Variants in BAZ1A observed in about 807,000 individuals in gnomAD.
The protein encoded by BAZ1A is bromodomain adjacent to zinc finger domain 1A, also known as bromodomain adjacent to zinc finger domain protein 1A.
BAZ1A carries 50 observed loss-of-function variants against 185.2 expected under a neutral mutation model. The ratio of observed to expected loss-of-function variants is 0.27; its 90% CI spans 0.22 to 0.34. The LOEUF (loss-of-function observed/expected upper bound fraction) is 0.34. Among genes scored for constraint, BAZ1A ranks in the 10% least tolerant of loss-of-function variants. BAZ1A has a pLI of 1.00. For missense variants in BAZ1A, 1,356 were observed against 1,839.9 expected, an observed-to-expected ratio of 0.74 and a Z score of 4.81; for synonymous variants, 571 against 615.6, an observed-to-expected ratio of 0.93 and a Z score of 1.07.
chr14:34,765,697 T>G (rs550131192), intron 21 of BAZ1A, among the ~76,000 whole-genome samples: 1 of 152,152 alleles, frequency 6.6e-6, no homozygotes, highest in Non-Finnish European at 1.5e-5. Context: ...TCTAAGAAAA[T>G]AGTTTTAAAA....
intron 3 of BAZ1A, among the ~76,000 whole-genome samples, chr14:34,832,191 T>TATACACACACAC (rs1555343240): frequency 6.2e-4 from 60 of 96,522 alleles, no homozygotes; most frequent in Middle Eastern, 5.7e-3. Context: ...TATATACATA[T>TATACACACACAC]ACACACACAC....
rs868022652 is a variant in BAZ1A, at chr14:34,773,138, G to A, written c.3152+434C>T. Among the ~76,000 whole-genome samples the A allele has an allele frequency of 3.3e-5, 5 of 152,036 alleles. No individual in the cohort carries two copies. In the South Asian group the frequency reaches 6.2e-4, roughly 19 times the overall value. Reference sequence around the variant, plus strand: ...TTGCCCAGGCTGGTCTCCAACTCCCGGCCTCAAGTGATCCTCCTGCTTCCG... The same window carrying A: ...TTGCCCAGGCTGGTCTCCAACTCCCAGCCTCAAGTGATCCTCCTGCTTCCG... On this transcript the variant is annotated intron_variant, in intron 20 of 26. Transcript: ENST00000360310.
At chr14:34,769,798 A>C (rs752079170) in intron 21 of BAZ1A, among the ~76,000 whole-genome samples, 10 of 152,226 alleles carry the variant, frequency 6.6e-5, no homozygotes, top group Non-Finnish European at 1.2e-4. Flanking sequence ...TTGTGTATTA[A>C]TATGTGGTTG....
In BAZ1A at chr14:34,765,030, T is replaced by C; in HGVS notation, c.3540A>G (p.Pro1180=). The C allele has an allele frequency of 6.2e-7, 1 of 1,614,058 alleles. No individual in the cohort carries two copies. The highest frequency in any genetic ancestry group is 1.1e-5 in the South Asian group (1 of 91,046). The change falls in exon 22 of 27, where the codon CCA becomes CCG. Residue 1180 remains proline (P), a synonymous_variant. Transcript: ENST00000360310. ...AAGAAGAAAAAAATACCTTGAGCTTTGGTCGAACACAGTAGGTATGATGAC... is the reference window on the plus strand; with the variant it reads ...AAGAAGAAAAAAATACCTTGAGCTTCGGTCGAACACAGTAGGTATGATGAC... ...DRGHHTYCVR[P]KLKTVPEGDW... is the part of the protein sequence containing the mutation.
chr14:34,810,142 G>A (rs2041909773), intron 5 of BAZ1A, among the ~76,000 whole-genome samples: 2 of 151,884 alleles, frequency 1.3e-5, no homozygotes, highest in Admixed American at 6.6e-5. Context: ...GGAACAAAAG[G>A]GATGAGAACA....
intron 16 of BAZ1A, 74 bp from the exon 17 acceptor site, chr14:34,780,384 T>C: frequency 1.4e-6 from 2 of 1,467,998 alleles, no homozygotes; most frequent in Non-Finnish European, 1.8e-6. Flanking sequence ...ATTGCTTGCT[T>C]ATGAAGTACC....
At chr14:34,758,186 G>A (rs1377992972) in intron 25 of BAZ1A, among the ~76,000 whole-genome samples, 10 of 151,308 alleles carry the variant, frequency 6.6e-5, no homozygotes, top group African/African-American at 2.4e-4. Flanking sequence ...AAGTGGCTAA[G>A]TTGGAGGATC....
In BAZ1A at chr14:34,780,202, A is replaced by G. The variant is rs1879944401; in HGVS notation, c.2220T>C (p.His740=). ...CAGTATTACCCCTTCTGCCTCTTTT[A>G]TGTGATCCTGGGTCATCTTCATCTT... ...VTEDEDDPGS[H]KRGRRGKRGQ... Residue 740 remains histidine (H), a synonymous_variant, in exon 17 of 27, where the codon CAT becomes CAC. Transcript: ENST00000360310. The G allele has an allele frequency of 2.5e-6, 4 of 1,613,200 alleles. No homozygotes were observed. In the South Asian group the frequency reaches 4.4e-5, roughly 18 times the overall value.
chr14:34,873,401 T>G (rs1213419483), intron 2 of BAZ1A, among the ~76,000 whole-genome samples: 1 of 152,224 alleles, frequency 6.6e-6, no homozygotes, highest in African/African-American at 2.4e-5. Context: ...AGATCCTGTT[T>G]AAACACAAGA....
intron 2 of BAZ1A, among the ~76,000 whole-genome samples, chr14:34,868,874 T>C (rs2042903894): frequency 7.1e-6 from 1 of 140,760 alleles, no homozygotes; most frequent in East Asian, 2.1e-4. Context: ...AACACACTCA[T>C]TCTCTCTATG....
intron 2 of BAZ1A, among the ~76,000 whole-genome samples, chr14:34,866,502 A>AAAAAAAAAAAAAAAGGAAAAAAG: frequency 1.3e-5 from 1 of 79,538 alleles, no homozygotes; most frequent in South Asian, 4.5e-4. Flanking sequence ...AAAAAAAAAA[A>AAAAAAAAAAAAAAAGGAAAAAAG]GAAAAAAGTT....
intron 6 of BAZ1A, among the ~76,000 whole-genome samples, chr14:34,807,222 C>T (rs1004855982): frequency 7.3e-5 from 11 of 151,364 alleles, no homozygotes; most frequent in African/African-American, 2.4e-4. Flanking sequence ...TTTCACCTGT[C>T]CTTGTTGATC....
At position 34,874,608 on chromosome 14, in the gene BAZ1A, C is replaced by T. The variant is rs1289625882; in HGVS notation, c.-4G>A. On this transcript the variant is annotated 5_prime_UTR_variant, in exon 2 of 27. Transcript: ENST00000360310. The surrounding 1 kb of genome is among the most constrained non-coding windows in gnomAD (Gnocchi z 4.7). ...GCTTTCGGTGTAGCAGCGGCATCTC[C>T]CGTCCGCCCGCGGGCTCGCCTGGAC... 3.1e-6 allele frequency: 5 copies of T among 1,603,774 alleles called. No individual in the cohort carries two copies. The East Asian group carries it at 6.9e-5, about 22-fold the overall frequency.
At chr14:34,758,944 A>G in intron 24 of BAZ1A, 98 bp from the exon 25 acceptor site, 4 of 1,239,822 alleles carry the variant, frequency 3.2e-6, no homozygotes, top group Non-Finnish European at 4.5e-6. Context: ...CCAACAGAAA[A>G]TAGACACTCC....
At chr14:34,805,626 T>C (rs754104301) in intron 6 of BAZ1A, among the ~76,000 whole-genome samples, 5 of 144,958 alleles carry the variant, frequency 3.4e-5, no homozygotes, top group Non-Finnish European at 7.9e-5. Context: ...GGCTGCCTGA[T>C]AATGCTATAG....
In BAZ1A at chr14:34,800,329, T is replaced by G. The variant is rs1216690750; in HGVS notation, c.1023A>C (p.Glu341Asp). Residue 341 changes from glutamate to aspartate, a missense_variant, in exon 9 of 27, where the codon GAA (glutamate) becomes GAC (aspartate). By Grantham distance (45) the Glu-to-Asp change is conservative. Transcript: ENST00000360310. ...CCCTCTTTTTCTCTTTATCTTCTTTTTCTTTTTTCTTCGCTTCTAGGGCAT... is the reference window on the plus strand; with the variant it reads ...CCCTCTTTTTCTCTTTATCTTCTTTGTCTTTTTTCTTCGCTTCTAGGGCAT... ...KADALEAKKK[E>D]KEDKEKKREE... 1.3e-6 allele frequency: 2 copies of G among 1,538,988 alleles called. No individual in the cohort carries two copies. Among genetic ancestry groups the G allele is most frequent in the Non-Finnish European group, 1.8e-6 (2 of 1,137,712 alleles).
chr14:34,856,260 GTC>G (rs2042675367), intron 3 of BAZ1A, among the ~76,000 whole-genome samples: 1 of 150,030 alleles, frequency 6.7e-6, no homozygotes, highest in Non-Finnish European at 1.5e-5. Flanking sequence ...CTGCATGTTT[GTC>G]TCTCTCTTAA....
chr14:34,862,477 T>C (rs1160075755), intron 2 of BAZ1A, among the ~76,000 whole-genome samples, 155 bp from the exon 3 acceptor site: 2 of 152,176 alleles, frequency 1.3e-5, no homozygotes, highest in Non-Finnish European at 2.9e-5. Flanking sequence ...ACTGGTCAAC[T>C]TATAACATTA....
intron 3 of BAZ1A, among the ~76,000 whole-genome samples, chr14:34,830,769 C>CTTTTT (rs1296749026): frequency 7.8e-6 from 1 of 128,430 alleles, no homozygotes; most frequent in Non-Finnish European, 1.7e-5. Flanking sequence ...TCTACAACTC[C>CTTTTT]TTTTTTTTTT....
Sources: allele counts gnomAD v4.1 joint callset (sites outside exome capture counted in the v4.1 genomes callset), GRCh38; gene constraint gnomAD v4.1.1; non-coding constraint Gnocchi (gnomAD v3.1); transcripts MANE v1.5; gene names NCBI Gene and HGNC (gene_info 2026-07-23, HGNC 2026-07-21).